Variants in EVL observed in about 807,000 individuals in gnomAD.
The protein encoded by EVL is ena/VASP-like protein.
In EVL, 21 loss-of-function variants were observed where a neutral mutation model predicts 59.6. The observed-to-expected ratio is 0.35, with a 90% confidence interval of 0.25 to 0.51. The LOEUF (loss-of-function observed/expected upper bound fraction) is 0.51, where lower values mean the gene tolerates loss of function less well. Among genes scored for constraint, EVL ranks in the 20% least tolerant of loss-of-function variants. EVL has a pLI of 0.97. For synonymous variants in EVL, 198 were observed against 203.5 expected, an observed-to-expected ratio of 0.97 and a Z score of 0.23; for missense variants, 462 against 546.6, an observed-to-expected ratio of 0.85 and a Z score of 1.54.
At chr14:100,100,241 G>A (rs1000422371) in intron 3 of EVL, among the ~76,000 whole-genome samples, 7 of 151,966 alleles carry the variant, frequency 4.6e-5, no homozygotes, top group South Asian at 2.1e-4. Context: ...AGGCGGGGGC[G>A]GGAGACATCA....
Position 100,108,292 on chromosome 14 carries a change from T to G in EVL, c.358+10634T>G, listed in dbSNP as rs894720506. 6.6e-6 allele frequency among the ~76,000 whole-genome samples: 1 copy of G among 152,100 alleles called. No homozygotes were observed. The highest frequency in any genetic ancestry group is 2.4e-5 in the African/African-American group (1 of 41,404). On this transcript the variant is annotated intron_variant, in intron 3 of 13. Coordinates refer to ENST00000392920, the MANE Select transcript of EVL (RefSeq NM_016337.3). This position sits in a 1 kb window ranked among gnomAD's most constrained non-coding sequence, Gnocchi z 4.1. Reference sequence around the variant, plus strand: ...CATAGCTCTTGGAGGTGGGGCTGAATTTTGCTTCTTGTAAACCTCTTTCCA... The same window carrying G: ...CATAGCTCTTGGAGGTGGGGCTGAAGTTTGCTTCTTGTAAACCTCTTTCCA...
At chr14:100,050,059 G>A (rs1055793265) in intron 1 of EVL, among the ~76,000 whole-genome samples, 2 of 152,090 alleles carry the variant, frequency 1.3e-5, no homozygotes, top group South Asian at 2.1e-4. Flanking sequence ...CTCGCTCAAG[G>A]GGACACAGAT....
At chr14:100,133,061 C>T (rs566263245) in intron 8 of EVL, among the ~76,000 whole-genome samples, 2 of 152,376 alleles carry the variant, frequency 1.3e-5, no homozygotes, top group South Asian at 4.1e-4. Context: ...ACCTCGCCTT[C>T]CCAGGAGCCC....
intron 1 of EVL, among the ~76,000 whole-genome samples, chr14:100,042,585 G>A (rs1314920522): frequency 1.3e-5 from 2 of 152,158 alleles, no homozygotes; most frequent in South Asian, 2.1e-4. Context: ...TGCCGTGAGG[G>A]TGCTTCAGTA....
rs539602930 is a variant in EVL, at chr14:100,047,156, A to G, written c.6-37531A>G. ...TTTTTTTTTTTTTTTACCTGACCCC[A>G]GTTTCTTCAGGAAGCCGTTAAACCT... On this transcript the variant is annotated intron_variant, in intron 1 of 13. Transcript: ENST00000402714. Among the ~76,000 whole-genome samples the G allele has an allele frequency of 6.2e-3, 451 of 73,076 alleles. 4 individuals carry two copies. Among genetic ancestry groups the G allele is most frequent in the African/African-American group, 0.022 (421 of 19,472 alleles). 47.9% of individuals were successfully genotyped at this position (73,076 alleles called of 152,430 possible).
In EVL at chr14:100,109,735, C is replaced by T. The variant is rs368305313; in HGVS notation, c.358+12077C>T. 4 of 528,520 alleles carry T rather than the reference C, an allele frequency of 7.6e-6. No individual in the cohort carries two copies. The highest frequency in any genetic ancestry group is 3.9e-5 in the African/African-American group (2 of 51,920). 32.7% of individuals were successfully genotyped at this position (528,520 alleles called of 1,614,324 possible). A position where few individuals can be genotyped will look rare whatever the true frequency, so the allele number is the denominator to read the frequency against. ...AATTGTCTCACACAGAAATCGCACCCGTCACCTTGGCCTACTTATCACCAC... is the reference window on the plus strand; with the variant it reads ...AATTGTCTCACACAGAAATCGCACCTGTCACCTTGGCCTACTTATCACCAC... On this transcript the variant is annotated intron_variant, in intron 3 of 13. Coordinates refer to ENST00000392920, the MANE Select transcript of EVL (RefSeq NM_016337.3). The surrounding 1 kb of genome is among the most constrained non-coding windows in gnomAD (Gnocchi z 4.3).
chr14:100,075,184 G>T (rs1335804296), intron 1 of EVL, among the ~76,000 whole-genome samples: 2 of 152,236 alleles, frequency 1.3e-5, no homozygotes, highest in Admixed American at 6.5e-5. Context: ...TTCTGAACTA[G>T]CAAGTGATGT....
At chr14:99,987,195 T>TA (rs762377314) in intron 1 of EVL, among the ~76,000 whole-genome samples, 3 of 152,218 alleles carry the variant, frequency 2.0e-5, no homozygotes, top group Non-Finnish European at 4.4e-5. Context: ...AGAACTCTTA[T>TA]ATTTTGCTAT....
At chr14:100,057,000 C>G (rs1438723554) in intron 1 of EVL, among the ~76,000 whole-genome samples, 1 of 152,168 alleles carries the variant, frequency 6.6e-6, no homozygotes, top group Non-Finnish European at 1.5e-5. Flanking sequence ...AGCACAGCAG[C>G]AGGAATAATT....
intron 1 of EVL, among the ~76,000 whole-genome samples, chr14:99,993,648 TATTA>T (rs948491116): frequency 2.0e-5 from 3 of 151,632 alleles, no homozygotes; most frequent in African/African-American, 7.3e-5. Context: ...TCAATTTCTT[TATTA>T]ATTATAAGTC....
chr14:100,111,148 ATT>A (rs35367426), intron 3 of EVL, among the ~76,000 whole-genome samples: 3,740 of 86,628 alleles, frequency 0.043, 53 homozygotes, highest in African/African-American at 0.1. Context: ...TAGTGTCCTC[ATT>A]TTTTTTTTTT....
At chr14:100,121,993 G>A (rs779173956) in intron 3 of EVL, among the ~76,000 whole-genome samples, 13 of 152,166 alleles carry the variant, frequency 8.5e-5, no homozygotes, top group Non-Finnish European at 1.0e-4. Context: ...GTTGAGACCC[G>A]GTCTTAGAAC....
At chr14:100,046,829 T>C (rs2061555704) in intron 1 of EVL, among the ~76,000 whole-genome samples, 1 of 149,088 alleles carries the variant, frequency 6.7e-6, no homozygotes, top group South Asian at 2.1e-4. Flanking sequence ...CTCGGCTCAC[T>C]GCAACCTCCG....
intron 3 of EVL, among the ~76,000 whole-genome samples, chr14:100,123,210 G>A (rs962096544): frequency 2.0e-5 from 3 of 152,204 alleles, no homozygotes; most frequent in Non-Finnish European, 4.4e-5. Flanking sequence ...TTGAGGGGGT[G>A]GTGGCCAGCA....
At chr14:100,099,727 CTTT>C (rs760607520) in intron 3 of EVL, among the ~76,000 whole-genome samples, 1 of 138,164 alleles carries the variant, frequency 7.2e-6, no homozygotes. Context: ...GGGAGTTAAG[CTTT>C]TTTTTTTTTT....
exon 1 of EVL, chr14:99,971,673 C>T (rs2060732780): frequency 1.3e-5 from 2 of 150,084 alleles, no homozygotes; most frequent in South Asian, 4.2e-4. Context: ...CGCCAGGGGC[C>T]GCCGCCCCGA....
At position 100,128,551 on chromosome 14, in the gene EVL, G is replaced by A; in HGVS notation, c.520G>A (p.Ala174Thr). 1 of 1,611,362 alleles carries A rather than the reference G, an allele frequency of 6.2e-7. No homozygotes were observed. Among genetic ancestry groups the A allele is most frequent in the East Asian group, 2.2e-5 (1 of 44,856 alleles). ...CCTCCCACCAGGACATCCTTCATCT[G>A]CAGCCAGCGCCCCCGTCTCATGTAG... ...PILPPGHPSS[A>T]ASAPVSCSGP... The change falls in exon 6 of 14, where the codon GCA (alanine) becomes ACA (threonine). Residue 174 changes from alanine (A) to threonine (T), a missense_variant. Coordinates refer to ENST00000392920, the MANE Select transcript of EVL (RefSeq NM_016337.3).
At chr14:100,085,843 T>C (rs1255821423) in intron 2 of EVL, among the ~76,000 whole-genome samples, 1 of 152,174 alleles carries the variant, frequency 6.6e-6, no homozygotes, top group Non-Finnish European at 1.5e-5. Context: ...AGGTAGTCTT[T>C]CTGGCTGGGC....
At chr14:99,994,584 T>C (rs2060900128) in intron 1 of EVL, among the ~76,000 whole-genome samples, 1 of 152,212 alleles carries the variant, frequency 6.6e-6, no homozygotes, top group Admixed American at 6.5e-5. Context: ...ATGTTATTGA[T>C]AATACAAATT....
Sources: allele counts gnomAD v4.1 joint callset (sites outside exome capture counted in the v4.1 genomes callset), GRCh38; gene constraint gnomAD v4.1.1; non-coding constraint Gnocchi (gnomAD v3.1); transcripts MANE v1.5; gene names NCBI Gene and HGNC (gene_info 2026-07-23, HGNC 2026-07-21).